HMBOX1: variants seen among roughly 807,000 people sequenced by gnomAD.
HMBOX1 encodes the protein homeobox containing 1.
A neutral mutation model predicts 54.5 loss-of-function variants in HMBOX1; 14 were observed. The ratio of observed to expected loss-of-function variants is 0.26; its 90% CI spans 0.17 to 0.40. The LOEUF (loss-of-function observed/expected upper bound fraction) is 0.40, where lower values mean the gene tolerates loss of function less well. HMBOX1 is among the 10% of genes least tolerant of loss of function. The pLI is 1.00. For synonymous variants in HMBOX1, 160 were observed against 181.0 expected (o/e 0.88, Z 0.93); for missense variants, 332 against 514.4 (o/e 0.65, Z 3.43).
intron 4 of HMBOX1, among the ~76,000 whole-genome samples, chr8:29,002,868 G>A (rs954005690): frequency 6.6e-6 from 1 of 152,094 alleles, no homozygotes; most frequent in Non-Finnish European, 1.5e-5. Context: ...TTTCTAAGGG[G>A]TGAGAATTTG....
At chr8:28,944,348 C>T (rs1043298264) in intron 1 of HMBOX1, among the ~76,000 whole-genome samples, 1 of 152,152 alleles carries the variant, frequency 6.6e-6, no homozygotes, top group African/African-American at 2.4e-5. Flanking sequence ...GTTATGTTCT[C>T]TTCATGATCT....
In HMBOX1 at chr8:28,894,965, A is replaced by G. The variant is rs187783243; in HGVS notation, c.-58+4287A>G. Among the ~76,000 whole-genome samples the G allele has an allele frequency of 1.1e-4, 16 of 151,818 alleles. No individual in the cohort carries two copies. The East Asian group carries it at 2.9e-3, about 27-fold the overall frequency. On this transcript the variant is annotated intron_variant, in intron 1 of 9. Transcript: ENST00000287701. ...TGCAAAAAAAAAAAACAGTAACAATAGTCTGATTTTAGCTTTGAAGTGATC... is the reference window on the plus strand; with the variant it reads ...TGCAAAAAAAAAAAACAGTAACAATGGTCTGATTTTAGCTTTGAAGTGATC...
chr8:28,960,759 CTTTTTCTTTTTT>C (rs1563472676), intron 1 of HMBOX1, among the ~76,000 whole-genome samples: 3 of 5,124 alleles, frequency 5.9e-4, no homozygotes, highest in East Asian at 0.015. Context: ...TTTTCTTTTT[CTTTTTCTTTTTT>C]TTTTTTTTTT....
rs186354197 is a variant in HMBOX1 at position 28,915,413 on chromosome 8, C to T, written c.-58+24735C>T. ...TCTACTAAAAATACAAAAAATTAGC[C>T]GGGCATGGTGGCAGGTGCCTGTAGT... is the stretch of plus-strand genomic sequence containing the variant. On this transcript the variant is annotated intron_variant, in intron 1 of 9. Coordinates refer to ENST00000287701, the MANE Select transcript of HMBOX1 (RefSeq NM_001135726.3). Among the ~76,000 whole-genome samples, 1,182 of 151,598 alleles carry T rather than the reference C, an allele frequency of 7.8e-3. 11 individuals carry two copies. The highest frequency in any genetic ancestry group is 0.012 in the Non-Finnish European group (847 of 67,866).
intron 1 of HMBOX1, among the ~76,000 whole-genome samples, chr8:28,958,241 A>G (rs1386842017): frequency 2.6e-5 from 4 of 152,240 alleles, no homozygotes; most frequent in Non-Finnish European, 5.9e-5. Flanking sequence ...CGCTGGGATT[A>G]CAAACGTGAG....
chr8:28,950,711 A>C (rs897372933), intron 1 of HMBOX1, among the ~76,000 whole-genome samples: 1 of 152,222 alleles, frequency 6.6e-6, no homozygotes, highest in Non-Finnish European at 1.5e-5. Flanking sequence ...ATAGAGGTAG[A>C]GATGGTAGCT....
chr8:28,962,666 C>A (rs1825808252), intron 1 of HMBOX1, among the ~76,000 whole-genome samples: 2 of 134,278 alleles, frequency 1.5e-5, no homozygotes, highest in South Asian at 4.8e-4. Flanking sequence ...TTCTCACCTC[C>A]CTCTACACCT....
At chr8:29,033,817 T>C (rs1803406061) in intron 6 of HMBOX1, among the ~76,000 whole-genome samples, 1 of 152,208 alleles carries the variant, frequency 6.6e-6, no homozygotes, top group Non-Finnish European at 1.5e-5. Flanking sequence ...TGGTGTTGTA[T>C]ATAATGAGTG....
At chr8:28,934,757 C>T (rs936677210) in intron 1 of HMBOX1, among the ~76,000 whole-genome samples, 3 of 151,754 alleles carry the variant, frequency 2.0e-5, no homozygotes, top group Non-Finnish European at 2.9e-5. Context: ...AACCCCATCT[C>T]TACTAAAAAT....
intron 6 of HMBOX1, among the ~76,000 whole-genome samples, chr8:29,041,145 A>G (rs1299613244): frequency 1.3e-5 from 2 of 152,360 alleles, no homozygotes; most frequent in Non-Finnish European, 2.9e-5. Context: ...TCAGAAATTC[A>G]ACAGAGAAGC....
At chr8:28,944,973 C>T (rs971989322) in intron 1 of HMBOX1, among the ~76,000 whole-genome samples, 3 of 152,168 alleles carry the variant, frequency 2.0e-5, no homozygotes, top group South Asian at 2.1e-4. Context: ...TGGATTTCTG[C>T]GCATTTAGGA....
At chr8:29,033,221 G>T (rs1408665273) in intron 6 of HMBOX1, among the ~76,000 whole-genome samples, 1 of 152,166 alleles carries the variant, frequency 6.6e-6, no homozygotes, top group Admixed American at 6.5e-5. Context: ...TGTTCTAAGA[G>T]AACATGCTGG....
intron 1 of HMBOX1, among the ~76,000 whole-genome samples, chr8:28,913,738 G>T (rs575396331): frequency 2.6e-5 from 4 of 151,708 alleles, no homozygotes; most frequent in African/African-American, 9.7e-5. Context: ...GAGATCCTTT[G>T]ATCTGTTTTA....
chr8:28,941,741 T>G (rs967336605), intron 1 of HMBOX1, among the ~76,000 whole-genome samples: 1 of 152,260 alleles, frequency 6.6e-6, no homozygotes, highest in Non-Finnish European at 1.5e-5. Context: ...AGTAAGAATT[T>G]CCTTTGGCGC....
At chr8:29,036,135 A>G (rs986373621) in intron 6 of HMBOX1, among the ~76,000 whole-genome samples, 1 of 152,194 alleles carries the variant, frequency 6.6e-6, no homozygotes, top group Non-Finnish European at 1.5e-5. Context: ...CTGTTTATCA[A>G]TTGGCAAGTG....
At chr8:28,972,173 A>G (rs1166040000) in intron 3 of HMBOX1, among the ~76,000 whole-genome samples, 1 of 152,218 alleles carries the variant, frequency 6.6e-6, no homozygotes, top group African/African-American at 2.4e-5. Context: ...ACCTGTAATG[A>G]ATAATTTGAT....
chr8:29,041,624 G>C (rs1359931191), intron 6 of HMBOX1, among the ~76,000 whole-genome samples: 1 of 152,102 alleles, frequency 6.6e-6, no homozygotes, highest in Non-Finnish European at 1.5e-5. Flanking sequence ...AAATACCTTT[G>C]ATTGGCCAAG....
At position 28,970,757 on chromosome 8, in the gene HMBOX1, T is replaced by C; in HGVS notation, c.500+238T>C. The C allele has an allele frequency of 2.4e-6, 1 of 412,160 alleles. No individual in the cohort carries two copies. The highest frequency in any genetic ancestry group is 4.3e-6 in the Non-Finnish European group (1 of 232,208). The allele number at this position is 412,160 out of a possible 1,614,324, so 25.5% of individuals were successfully genotyped here. On this transcript the variant is annotated intron_variant, in intron 3 of 9. Transcript: ENST00000287701. This position sits in a 1 kb window ranked among gnomAD's most constrained non-coding sequence, Gnocchi z 4.3. ...CTTTCTCTTTGCTGCTTGACAAGCC[T>C]TTTCCATTCTGTTTATCAAACACTA...
intron 1 of HMBOX1, among the ~76,000 whole-genome samples, chr8:28,905,355 G>GCACACA (rs145777370): frequency 3.4e-5 from 5 of 149,172 alleles, no homozygotes; most frequent in Non-Finnish European, 7.5e-5. Flanking sequence ...ACACACGCAC[G>GCACACA]CACACACACA....
Sources: gnomAD v4.1 joint callset for allele counts (sites outside exome capture counted in the v4.1 genomes callset) on GRCh38, gnomAD v4.1.1 for gene constraint, Gnocchi (gnomAD v3.1) non-coding constraint, MANE v1.5 for transcripts, NCBI Gene and HGNC (gene_info 2026-07-23, HGNC 2026-07-21) for gene names.